The following SIL1 variants were observed in gnomAD, a reference collection of about 807,000 sequenced individuals.
The protein encoded by SIL1 is SIL1 nucleotide exchange factor, also known as nucleotide exchange factor SIL1.
A neutral mutation model predicts 49.1 loss-of-function variants in SIL1; 40 were observed. The ratio of observed to expected loss-of-function variants is 0.81; its 90% confidence interval spans 0.63 to 1.06. SIL1 has a LOEUF of 1.06. SIL1 is among the 50% of genes least tolerant of loss of function. The pLI, the probability that SIL1 is intolerant of heterozygous loss-of-function variation, is 0.00. For synonymous variants in SIL1, 253 were observed against 250.8 expected (o/e 1.01, Z -0.08); for missense variants, 500 against 572.6 (o/e 0.87, Z 1.29).
intron 3 of SIL1, chr5:139,107,972 C>T (rs1481396855): frequency 3.3e-5 from 5 of 152,154 alleles, no homozygotes; most frequent in African/African-American, 9.7e-5. Flanking sequence ...GAGGTGTGAA[C>T]CCAGGTAGAC....
intron 1 of SIL1, among the ~76,000 whole-genome samples, chr5:139,195,225 C>T (rs1752244097): frequency 1.3e-5 from 2 of 152,178 alleles, no homozygotes; most frequent in South Asian, 2.1e-4. Context: ...AGCCACCGCA[C>T]CCGGCCAGAG....
intron 9 of SIL1, among the ~76,000 whole-genome samples, chr5:138,949,192 TC>T (rs1411466322): frequency 6.6e-6 from 1 of 152,114 alleles, no homozygotes; most frequent in African/African-American, 2.4e-5. Context: ...GCCCTTCAGC[TC>T]CTCAGATGCA....
In SIL1 at chr5:139,042,884, C is replaced by T. The variant is rs185488033; in HGVS notation, c.354-165G>A. ...GGATGTGATGGTATGTGCCTGTGGT[C>T]CCAGCTACGTGGGAAGCAGGAGGAT... On this transcript the variant is annotated intron_variant, in intron 4 of 9. Transcript: ENST00000394817. 1.5e-4 allele frequency among the ~76,000 whole-genome samples: 23 copies of T among 152,272 alleles called. No homozygotes were observed. In the East Asian group the frequency reaches 4.2e-3, roughly 28 times the overall value.
rs1391310018 is a variant in SIL1 at position 139,017,781 on chromosome 5, G to A, written c.767+3390C>T. ...CCTCTGAAATTCACAAAGCCTTTTC[G>A]AGACTCCCCTTATACAGAAACACAA... On this transcript the variant is annotated intron_variant, in intron 7 of 9. Coordinates refer to ENST00000394817, the MANE Select transcript of SIL1 (RefSeq NM_022464.5). Among the ~76,000 whole-genome samples, 2 of 152,118 alleles carry A rather than the reference G, an allele frequency of 1.3e-5. 1 individual carries two copies. The highest frequency in any genetic ancestry group is 3.8e-4 in the East Asian group (2 of 5,196).
intron 2 of SIL1, among the ~76,000 whole-genome samples, chr5:139,123,013 ATAGT>A (rs144045096): frequency 0.06 from 9,149 of 152,206 alleles, 381 homozygotes; most frequent in Non-Finnish European, 0.083. Context: ...CATCTAGCTC[ATAGT>A]TAGATGAGGT....
intron 7 of SIL1, among the ~76,000 whole-genome samples, chr5:138,998,746 CT>C: frequency 6.6e-6 from 1 of 152,196 alleles, no homozygotes; most frequent in Middle Eastern, 3.4e-3. Flanking sequence ...GATTTGCCCC[CT>C]GTGATCCAAT....
In SIL1 at chr5:139,171,127, G is replaced by A. The variant is rs565293195; in HGVS notation, c.-11+27142C>T. On this transcript the variant is annotated intron_variant, in intron 1 of 9. Coordinates refer to ENST00000394817, the MANE Select transcript of SIL1 (RefSeq NM_022464.5). Reference sequence around the variant, plus strand: ...AGCCGCCCCGTCCGGGAGGTGAGGGGCGCCTCTGCCCCGCCGCCCCTACTG... The same window carrying A: ...AGCCGCCCCGTCCGGGAGGTGAGGGACGCCTCTGCCCCGCCGCCCCTACTG... Among the ~76,000 whole-genome samples the A allele has an allele frequency of 4.7e-3, 707 of 151,982 alleles. 1 individual carries two copies. The highest frequency in any genetic ancestry group is 0.016 in the African/African-American group (674 of 41,466).
At chr5:138,992,546 G>T (rs1354716013) in intron 7 of SIL1, among the ~76,000 whole-genome samples, 1 of 152,118 alleles carries the variant, frequency 6.6e-6, no homozygotes, top group Non-Finnish European at 1.5e-5. Context: ...CCTGGTCCAG[G>T]TGAGTCCAGT....
intron 1 of SIL1, among the ~76,000 whole-genome samples, chr5:139,151,860 C>T (rs1446266821): frequency 6.6e-6 from 1 of 152,228 alleles, no homozygotes; most frequent in Non-Finnish European, 1.5e-5. Flanking sequence ...GGATATTTAA[C>T]ATGTAACTTA....
At chr5:139,137,520 ATTT>A in intron 1 of SIL1, 2 of 506,310 alleles carry the variant, frequency 4.0e-6, no homozygotes, top group South Asian at 6.2e-5. Context: ...CAGGACAGAA[ATTT>A]TTTTTTTAAT....
At chr5:139,040,484 C>CTTT (rs140792595) in intron 5 of SIL1, among the ~76,000 whole-genome samples, 997 of 89,242 alleles carry the variant, frequency 0.011, 133 homozygotes, top group Middle Eastern at 0.03. Flanking sequence ...AGTATTTTTT[C>CTTT]TTTTTTCTTT....
intron 1 of SIL1, among the ~76,000 whole-genome samples, chr5:139,178,916 G>A (rs950385109): frequency 8.5e-5 from 13 of 152,070 alleles, no homozygotes; most frequent in African/African-American, 1.9e-4. Context: ...GAAGGAAAAC[G>A]AAGCTGTATC....
intron 3 of SIL1, among the ~76,000 whole-genome samples, chr5:139,074,858 C>T (rs1769912753): frequency 6.6e-6 from 1 of 152,154 alleles, no homozygotes; most frequent in African/African-American, 2.4e-5. Context: ...CACAGTCTTG[C>T]TCTGTCACCC....
chr5:139,150,842 T>C (rs1050857056), intron 1 of SIL1, among the ~76,000 whole-genome samples: 26 of 152,090 alleles, frequency 1.7e-4, no homozygotes, highest in African/African-American at 5.6e-4. Context: ...AAGCCTTCAA[T>C]TATGGGAATT....
intron 5 of SIL1, among the ~76,000 whole-genome samples, chr5:139,032,442 C>A (rs1484775205): frequency 6.6e-6 from 1 of 152,092 alleles, no homozygotes; most frequent in Non-Finnish European, 1.5e-5. Flanking sequence ...ATGCATAATT[C>A]TTTTTACATA....
intron 3 of SIL1, among the ~76,000 whole-genome samples, chr5:139,088,021 A>C (rs1282658352): frequency 6.6e-6 from 1 of 151,596 alleles, no homozygotes; most frequent in Admixed American, 6.6e-5. Context: ...TCCCTGGCCC[A>C]CCATGGAACA....
At chr5:139,098,592 T>C (rs922934523) in intron 3 of SIL1, among the ~76,000 whole-genome samples, 4 of 151,886 alleles carry the variant, frequency 2.6e-5, no homozygotes, top group Non-Finnish European at 5.9e-5. Context: ...AATGAACAAA[T>C]GGGATCATAT....
chr5:139,025,268 AAC>A (rs1768619229), intron 6 of SIL1, among the ~76,000 whole-genome samples: 1 of 152,166 alleles, frequency 6.6e-6, no homozygotes, highest in South Asian at 2.1e-4. Flanking sequence ...GCCTTTGAGA[AAC>A]AGAGTGGCCA....
chr5:139,055,869 C>T (rs940122493), intron 3 of SIL1, among the ~76,000 whole-genome samples: 1 of 151,842 alleles, frequency 6.6e-6, no homozygotes, highest in Non-Finnish European at 1.5e-5. Flanking sequence ...GACGGGGTTT[C>T]ACTGTGTTGG....
Sources: allele counts gnomAD v4.1 joint callset (sites outside exome capture counted in the v4.1 genomes callset), GRCh38; gene constraint gnomAD v4.1.1; transcripts MANE v1.5; gene names NCBI Gene and HGNC (gene_info 2026-07-23, HGNC 2026-07-21).